CNTN3: variants seen among roughly 807,000 people sequenced by gnomAD.
CNTN3 encodes the protein contactin 3.
A neutral mutation model predicts 119.1 loss-of-function variants in CNTN3; 60 were observed. The ratio of observed to expected loss-of-function variants is 0.50; its 90% confidence interval spans 0.41 to 0.62. The LOEUF is 0.62. Among genes scored for constraint, CNTN3 ranks in the 20% least tolerant of loss-of-function variants. The pLI, the probability that CNTN3 is intolerant of heterozygous loss-of-function variation, is 0.00. For synonymous variants in CNTN3, 450 were observed against 438.7 expected (o/e 1.03, Z -0.32); for missense variants, 1,101 against 1,242.4 (o/e 0.89, Z 1.71).
intron 11 of CNTN3, among the ~76,000 whole-genome samples, chr3:74,355,197 T>C (rs1376057876): frequency 6.6e-6 from 1 of 152,116 alleles, no homozygotes. Context: ...GGGTCTGCCA[T>C]GCTCCCTGAA....
chr3:74,289,616 C>T (rs1168753328), intron 19 of CNTN3, among the ~76,000 whole-genome samples: 1 of 152,266 alleles, frequency 6.6e-6, no homozygotes, highest in South Asian at 2.1e-4. Flanking sequence ...AGTGACAGCC[C>T]TAAGTCTCTT....
intron 13 of CNTN3, among the ~76,000 whole-genome samples, chr3:74,332,959 T>A (rs558637487): frequency 1.6e-4 from 25 of 152,288 alleles, no homozygotes; most frequent in Admixed American, 1.4e-3. Flanking sequence ...ACAGCCTGAG[T>A]ATGGAGTAGA....
intron 11 of CNTN3, among the ~76,000 whole-genome samples, chr3:74,358,102 C>T (rs945130210): frequency 6.6e-6 from 1 of 152,178 alleles, no homozygotes; most frequent in Non-Finnish European, 1.5e-5. Context: ...TTGCTTCTAG[C>T]AGGCTTCTCC....
chr3:74,471,386 T>C (rs946830635), intron 4 of CNTN3, among the ~76,000 whole-genome samples: 1 of 152,178 alleles, frequency 6.6e-6, no homozygotes, highest in East Asian at 1.9e-4. Flanking sequence ...ATGCCATCCA[T>C]TACTGCATTT....
intron 4 of CNTN3, among the ~76,000 whole-genome samples, chr3:74,428,096 T>A (rs1433518171): frequency 6.6e-6 from 1 of 152,160 alleles, no homozygotes; most frequent in Non-Finnish European, 1.5e-5. Flanking sequence ...CTCCTGAGTT[T>A]GTGGTGATTG....
chr3:74,427,708 A>G (rs1183090806), intron 4 of CNTN3, among the ~76,000 whole-genome samples: 4 of 152,156 alleles, frequency 2.6e-5, no homozygotes, highest in Non-Finnish European at 4.4e-5. Flanking sequence ...GGAGTTAAGC[A>G]GGTCACAGGA....
intron 1 of CNTN3, among the ~76,000 whole-genome samples, chr3:74,544,598 T>TG (rs1479575335): frequency 1.3e-5 from 2 of 151,578 alleles, no homozygotes; most frequent in African/African-American, 2.4e-5. Context: ...CTTTTTTTGG[T>TG]GGGGGGAAAG....
chr3:74,533,969 A>C (rs1703727999), intron 1 of CNTN3, among the ~76,000 whole-genome samples: 1 of 152,032 alleles, frequency 6.6e-6, no homozygotes, highest in Non-Finnish European at 1.5e-5. Context: ...CCCACTGCAA[A>C]CAATTATCCA....
chr3:74,508,699 G>A (rs1559638730), intron 2 of CNTN3, among the ~76,000 whole-genome samples: 1 of 151,810 alleles, frequency 6.6e-6, no homozygotes, highest in East Asian at 1.9e-4. Flanking sequence ...CATCTGATGT[G>A]CTTTATCCTA....
intron 1 of CNTN3, among the ~76,000 whole-genome samples, chr3:74,597,625 T>C (rs1374872): frequency 0.23 from 35,348 of 151,946 alleles, 6,682 homozygotes; most frequent in African/African-American, 0.51. Flanking sequence ...GGAGTTTCTT[T>C]TTCAGGGATT....
intron 20 of CNTN3, among the ~76,000 whole-genome samples, chr3:74,276,630 G>A (rs1017281301): frequency 1.3e-5 from 2 of 151,298 alleles, no homozygotes; most frequent in African/African-American, 4.9e-5. Context: ...ATACAGCAAA[G>A]GCAATGCTAA....
intron 2 of CNTN3, among the ~76,000 whole-genome samples, chr3:74,503,780 G>C (rs970677790): frequency 6.6e-6 from 1 of 151,998 alleles, no homozygotes; most frequent in African/African-American, 2.4e-5. Context: ...TGTGACAGGG[G>C]CATTTTTTTG....
chr3:74,593,953 T>C (rs1036825389), intron 1 of CNTN3, among the ~76,000 whole-genome samples: 2 of 151,842 alleles, frequency 1.3e-5, no homozygotes, highest in Non-Finnish European at 2.9e-5. Context: ...TCTATGGAGG[T>C]GGAGAAAAAA....
intron 13 of CNTN3, among the ~76,000 whole-genome samples, chr3:74,315,466 C>G (rs776745181): frequency 6.6e-6 from 1 of 152,052 alleles, no homozygotes; most frequent in Non-Finnish European, 1.5e-5. Flanking sequence ...GATTCCTTTC[C>G]AGTAACAACA....
chr3:74,499,806 C>A, intron 2 of CNTN3, 21 bp from the exon 3 acceptor site: 1 of 1,567,236 alleles, frequency 6.4e-7, no homozygotes, highest in Non-Finnish European at 8.6e-7. Context: ...GGGAGACATC[C>A]AAAAAATAAT....
chr3:74,275,346 A>G (rs1701859292), intron 20 of CNTN3, among the ~76,000 whole-genome samples: 1 of 152,194 alleles, frequency 6.6e-6, no homozygotes, highest in Admixed American at 6.5e-5. Context: ...GCACTTTGTC[A>G]TCAGGCTATC....
At chr3:74,448,010 G>A (rs1702080299) in intron 4 of CNTN3, among the ~76,000 whole-genome samples, 2 of 152,138 alleles carry the variant, frequency 1.3e-5, no homozygotes, top group Admixed American at 6.6e-5. Flanking sequence ...TTATGGATGA[G>A]ACACTCAGCT....
At chr3:74,578,059 T>C (rs1704446148) in intron 1 of CNTN3, among the ~76,000 whole-genome samples, 1 of 152,074 alleles carries the variant, frequency 6.6e-6, no homozygotes, top group Non-Finnish European at 1.5e-5. Flanking sequence ...AATATCAACC[T>C]CCTTACAAGG....
chr3:74,353,969 G>C (rs1703875654), intron 11 of CNTN3, among the ~76,000 whole-genome samples: 1 of 151,888 alleles, frequency 6.6e-6, no homozygotes, highest in Admixed American at 6.6e-5. Flanking sequence ...CCCAGCCTCT[G>C]GCAAGCAGTG....
Sources: allele counts gnomAD v4.1 joint callset (sites outside exome capture counted in the v4.1 genomes callset), GRCh38; gene constraint gnomAD v4.1.1; transcripts MANE v1.5; gene names NCBI Gene and HGNC (gene_info 2026-07-23, HGNC 2026-07-21).